DNAJC18: variants seen among roughly 807,000 people sequenced by gnomAD.
The protein encoded by DNAJC18 is DnaJ heat shock protein family (Hsp40) member C18, also known as dnaJ homolog subfamily C member 18.
DNAJC18 carries 40 observed loss-of-function variants against 48.6 expected under a neutral mutation model. The ratio of observed to expected loss-of-function variants is 0.82; its 90% CI spans 0.64 to 1.07. The LOEUF is 1.07. Among genes scored for constraint, DNAJC18 ranks in the 50% least tolerant of loss-of-function variants. The pLI is 0.00. For missense variants in DNAJC18, 340 were observed against 427.7 expected (o/e 0.79, Z 1.81); for synonymous variants, 135 against 152.2 (o/e 0.89, Z 0.83).
chr5:139,417,959 C>T (rs893717639), intron 7 of DNAJC18, among the ~76,000 whole-genome samples: 1 of 152,126 alleles, frequency 6.6e-6, no homozygotes, highest in Non-Finnish European at 1.5e-5. Flanking sequence ...TGAGAAACTA[C>T]CTCTGGTGCA....
intron 5 of DNAJC18, among the ~76,000 whole-genome samples, chr5:139,424,612 TG>T (rs1167995503): frequency 6.8e-6 from 1 of 147,016 alleles, no homozygotes; most frequent in Admixed American, 7.1e-5. Flanking sequence ...CCCAGCTACA[TG>T]AGAGGCTGAG....
chr5:139,428,728 T>C, intron 2 of DNAJC18, 45 bp from the exon 3 acceptor site: 1 of 1,565,316 alleles, frequency 6.4e-7, no homozygotes, highest in South Asian at 1.2e-5. Context: ...GTCCCTTTTG[T>C]ACAACTAATT....
In DNAJC18 at chr5:139,413,047, A is replaced by G. The variant is rs896857150; in HGVS notation, c.*1101T>C. 1.3e-4 allele frequency: 51 copies of G among 397,412 alleles called. No homozygotes were observed. The highest frequency in any genetic ancestry group is 1.8e-5 in the Non-Finnish European group (4 of 225,930). The allele number at this position is 397,412 out of a possible 1,614,324, so 24.6% of individuals were successfully genotyped here. A position where few individuals can be genotyped will look rare whatever the true frequency, so the allele number is the denominator to read the frequency against. On this transcript the variant is annotated 3_prime_UTR_variant, in exon 8 of 8. Transcript: ENST00000302060. ...GGCCAATGTTCTCATTCATAGAACC[A>G]GGGATAATACATCTACTTCAGAGTT...
chr5:139,416,454 C>T (rs1759070100), intron 7 of DNAJC18, among the ~76,000 whole-genome samples: 1 of 152,184 alleles, frequency 6.6e-6, no homozygotes, highest in Non-Finnish European at 1.5e-5. Flanking sequence ...CGCAACAGAT[C>T]CCAACTGCCC....
At chr5:139,417,174 A>G (rs1759081860) in intron 7 of DNAJC18, among the ~76,000 whole-genome samples, 2 of 144,924 alleles carry the variant, frequency 1.4e-5, no homozygotes, top group Non-Finnish European at 3.0e-5. Context: ...TGAGCGAGAG[A>G]GCGAGACTCT....
rs1337816145 is a variant in DNAJC18 at position 139,413,486 on chromosome 5, A to C, written c.*662T>G. The C allele has an allele frequency of 6.6e-6, 1 of 152,326 alleles. No individual in the cohort carries two copies. Among genetic ancestry groups the C allele is most frequent in the Non-Finnish European group, 1.5e-5 (1 of 68,144 alleles). The allele number at this position is 152,326 out of a possible 1,614,324, so 9.4% of individuals were successfully genotyped here. Reference sequence around the variant, plus strand: ...TACCTTCGCCCTGGCCCCCGCCTCCAGATGCTGCTCAGTAGTTTTAATTTC... The same window carrying C: ...TACCTTCGCCCTGGCCCCCGCCTCCCGATGCTGCTCAGTAGTTTTAATTTC... On this transcript the variant is annotated 3_prime_UTR_variant, in exon 8 of 8. Coordinates refer to ENST00000302060, the MANE Select transcript of DNAJC18 (RefSeq NM_152686.4).
At chr5:139,435,406 T>G (rs1750621137) in intron 2 of DNAJC18, among the ~76,000 whole-genome samples, 1 of 152,156 alleles carries the variant, frequency 6.6e-6, no homozygotes. Context: ...CCTATTGAAA[T>G]GATCGTGTGA....
chr5:139,428,692 A>T lies in DNAJC18; in HGVS notation c.228-9T>A. Reference sequence around the variant, plus strand: ...TTCTGCATTTCTTGATCCTAAAAAAAATCACAAGCATGTATGTCTATAAAG... The same window carrying T: ...TTCTGCATTTCTTGATCCTAAAAAATATCACAAGCATGTATGTCTATAAAG... On this transcript the variant is annotated splice_polypyrimidine_tract_variant and intron_variant, in intron 2 of 7. Coordinates refer to ENST00000302060, the MANE Select transcript of DNAJC18 (RefSeq NM_152686.4). 1 of 1,608,898 alleles carries T rather than the reference A, an allele frequency of 6.2e-7. No individual in the cohort carries two copies. Among genetic ancestry groups the T allele is most frequent in the Non-Finnish European group, 8.5e-7 (1 of 1,178,508 alleles).
At position 139,413,663 on chromosome 5, in the gene DNAJC18, CTGGGCAGGAACA is replaced by C. The variant is rs1423077847; in HGVS notation, c.*473_*484del. 6.5e-6 allele frequency: 1 copy of C among 153,078 alleles called. No homozygotes were observed. Among genetic ancestry groups the C allele is most frequent in the African/African-American group, 2.4e-5 (1 of 41,456 alleles). The allele number at this position is 153,078 out of a possible 1,614,324, so 9.5% of individuals were successfully genotyped here. A position where few individuals can be genotyped will look rare whatever the true frequency, so the allele number is the denominator to read the frequency against. On this transcript the variant is annotated 3_prime_UTR_variant, in exon 8 of 8. Coordinates refer to ENST00000302060, the MANE Select transcript of DNAJC18 (RefSeq NM_152686.4). The stretch of plus-strand genomic sequence containing the variant: ...CCATATTCCCCTAGAAAATGGAAAG[CTGGGCAGGAACA>C]TGTTCCAAAGGCTAAATCTTGGCGG...
intron 5 of DNAJC18, among the ~76,000 whole-genome samples, chr5:139,424,482 C>T (rs1759202629): frequency 6.6e-6 from 1 of 152,044 alleles, no homozygotes; most frequent in South Asian, 2.1e-4. Flanking sequence ...AATCCTAGCA[C>T]TTTGGGAAGC....
At chr5:139,438,541 T>C (rs557478776) in intron 1 of DNAJC18, among the ~76,000 whole-genome samples, 1 of 152,134 alleles carries the variant, frequency 6.6e-6, no homozygotes, top group Admixed American at 6.5e-5. Context: ...TCATAAGCAA[T>C]ACAGTCAAAA....
rs1188382195 is a variant in DNAJC18 at position 139,410,233 on chromosome 5, T to C, written c.*3915A>G. The C allele has an allele frequency of 6.6e-6, 1 of 152,222 alleles. No individual in the cohort carries two copies. The highest frequency in any genetic ancestry group is 1.5e-5 in the Non-Finnish European group (1 of 68,048). The allele number at this position is 152,222 out of a possible 1,614,324, so 9.4% of individuals were successfully genotyped here. A position where few individuals can be genotyped will look rare whatever the true frequency, so the allele number is the denominator to read the frequency against. On this transcript the variant is annotated 3_prime_UTR_variant, in exon 8 of 8. Transcript: ENST00000302060. Reference sequence around the variant, plus strand: ...TTAATATAAAATTGTTTAATGTTTTTCTTTGTTGCAGTACACTCAATCCAG... The same window carrying C: ...TTAATATAAAATTGTTTAATGTTTTCCTTTGTTGCAGTACACTCAATCCAG...
At chr5:139,422,130 A>G (rs1183392165) in intron 6 of DNAJC18, among the ~76,000 whole-genome samples, 1 of 152,166 alleles carries the variant, frequency 6.6e-6, no homozygotes, top group African/African-American at 2.4e-5. Flanking sequence ...CTGCCTTTCT[A>G]ACATGTTGCC....
chr5:139,420,209 T>C lies in DNAJC18; in HGVS notation c.796A>G (p.Ile266Val). 1 of 1,610,462 alleles carries C rather than the reference T, an allele frequency of 6.2e-7. No homozygotes were observed. Among genetic ancestry groups the C allele is most frequent in the Non-Finnish European group, 8.5e-7 (1 of 1,179,110 alleles). ...TGCAGGTTCTGAGTTTCTCTAGAAA[T>C]GGTGTAGCCCAAGGTCCTGAAACAA... ...LFYKSTLGYT[I>V]SRETQNLQVP... The change falls in exon 7 of 8, where the codon ATT (isoleucine) becomes GTT (valine). Residue 266 changes from isoleucine (I) to valine (V), a missense_variant. Transcript: ENST00000302060.
In DNAJC18 at chr5:139,426,283, C is replaced by T. The variant is rs771556964; in HGVS notation, c.448G>A (p.Val150Met). The T allele has an allele frequency of 6.2e-7, 1 of 1,614,084 alleles. No individual in the cohort carries two copies. The highest frequency in any genetic ancestry group is 1.3e-5 in the African/African-American group (1 of 74,926). The change falls in exon 4 of 8, where the codon GTG becomes ATG. Residue 150 changes from valine (V) to methionine (M), a missense_variant. Transcript: ENST00000302060. Reference sequence around the variant, plus strand: ...CTGGCTCGAGGGGCAGTGAAAGTCACCTGTTCATCTCCGTATTCATCATAG... The same window carrying T: ...CTGGCTCGAGGGGCAGTGAAAGTCATCTGTTCATCTCCGTATTCATCATAG... ...LRYDEYGDEQVTFTAPRARPY... is the reference protein window; with the variant it reads ...LRYDEYGDEQMTFTAPRARPY...
chr5:139,419,257 C>A, intron 7 of DNAJC18: 1 of 399,946 alleles, frequency 2.5e-6, no homozygotes. Context: ...GTGTAGAATT[C>A]AAGTGGGACC....
rs186790979 is a variant in DNAJC18, at chr5:139,415,546, C to T, written c.953-1274G>A. Among the ~76,000 whole-genome samples, 4 of 152,368 alleles carry T rather than the reference C, an allele frequency of 2.6e-5. No individual in the cohort carries two copies. In the East Asian group the frequency reaches 7.7e-4, roughly 29 times the overall value. The stretch of plus-strand genomic sequence containing the variant: ...CTCCCAGGCTCCAGAACAATGCGCT[C>T]TCCCTGCTTGGTGAGGGTGCCTGCA... On this transcript the variant is annotated intron_variant, in intron 7 of 7. Coordinates refer to ENST00000302060, the MANE Select transcript of DNAJC18 (RefSeq NM_152686.4).
At position 139,439,504 on chromosome 5, in the gene DNAJC18, G is replaced by T. The variant is rs1274241803; in HGVS notation, c.-59C>A. ...CCCCGTGCCCGAGGCTGAAAGAGAA[G>T]GGGGCGCGGAGCGCGGGGCACGCTG... On this transcript the variant is annotated 5_prime_UTR_variant, in exon 1 of 8. Transcript: ENST00000302060. This position sits in a 1 kb window ranked among gnomAD's most constrained non-coding sequence, Gnocchi z 4.1. The T allele has an allele frequency of 2.5e-6, 4 of 1,613,044 alleles. No homozygotes were observed. The East Asian group carries it at 6.7e-5, about 27-fold the overall frequency.
chr5:139,411,429 C>T lies in DNAJC18; in HGVS notation c.*2719G>A, dbSNP rs779195941. 1.3e-5 allele frequency: 2 copies of T among 152,214 alleles called. No homozygotes were observed. Among genetic ancestry groups the T allele is most frequent in the Non-Finnish European group, 2.9e-5 (2 of 68,046 alleles). The allele number at this position is 152,214 out of a possible 1,614,324, so 9.4% of individuals were successfully genotyped here. A position where few individuals can be genotyped will look rare whatever the true frequency, so the allele number is the denominator to read the frequency against. ...AAAGAAACAGTCTAGAGCTGGGTGC[C>T]AAGCTCCGGCAGCAAGAATAAGCCC... On this transcript the variant is annotated 3_prime_UTR_variant, in exon 8 of 8. Coordinates refer to ENST00000302060, the MANE Select transcript of DNAJC18 (RefSeq NM_152686.4).
Sources: gnomAD v4.1 joint callset for allele counts (sites outside exome capture counted in the v4.1 genomes callset) on GRCh38, gnomAD v4.1.1 for gene constraint, Gnocchi (gnomAD v3.1) non-coding constraint, MANE v1.5 for transcripts, NCBI Gene and HGNC (gene_info 2026-07-23, HGNC 2026-07-21) for gene names.